BCL2L13: variants seen among roughly 807,000 people sequenced by gnomAD.
The protein encoded by BCL2L13 is BCL2 like 13.
In BCL2L13, 13 loss-of-function variants were observed where a neutral mutation model predicts 25.8. The observed-to-expected ratio is 0.50, with a 90% confidence interval of 0.33 to 0.80. The LOEUF (loss-of-function observed/expected upper bound fraction) is 0.80. Ranked by LOEUF, BCL2L13 falls within the 30% of genes least tolerant of loss-of-function variation. The pLI is 0.02. For synonymous variants in BCL2L13, 244 were observed against 230.3 expected (o/e 1.06, Z -0.54); for missense variants, 504 against 574.9 (o/e 0.88, Z 1.26).
chr22:17,719,131 G>A (rs1281180679), intron 6 of BCL2L13, among the ~76,000 whole-genome samples: 3 of 120,678 alleles, frequency 2.5e-5, no homozygotes, highest in Admixed American at 2.0e-4. Flanking sequence ...TCCAGCCTGG[G>A]AGACAAAGCA....
chr22:17,669,035 T>TC (rs2059332430), intron 2 of BCL2L13, among the ~76,000 whole-genome samples: 1 of 142,470 alleles, frequency 7.0e-6, no homozygotes, highest in Non-Finnish European at 1.5e-5. Context: ...TCTTTCTTTT[T>TC]TTTTTTTTTT....
intron 6 of BCL2L13, among the ~76,000 whole-genome samples, chr22:17,723,252 G>A (rs898947591): frequency 2.6e-5 from 4 of 152,040 alleles, no homozygotes; most frequent in African/African-American, 7.2e-5. Context: ...CTGAGGCTGG[G>A]GCAAGCTGTC....
At chr22:17,697,403 A>G (rs1163800825) in intron 5 of BCL2L13, among the ~76,000 whole-genome samples, 1 of 152,188 alleles carries the variant, frequency 6.6e-6, no homozygotes, top group African/African-American at 2.4e-5. Flanking sequence ...GCGCCATTGC[A>G]TTCCAGCCTA....
intron 1 of BCL2L13, among the ~76,000 whole-genome samples, chr22:17,646,955 A>ATTTTTTTTTTTTTTTTTTTTT (rs149460093): frequency 4.5e-5 from 1 of 22,186 alleles, no homozygotes; most frequent in Non-Finnish European, 7.7e-5. Context: ...ATATATATAT[A>ATTTTTTTTTTTTTTTTTTTTT]TTTTTTTTTT....
upstream of BCL2L13, among the ~76,000 whole-genome samples, chr22:17,635,935 T>G (rs527283419): frequency 1.1e-4 from 17 of 150,926 alleles, no homozygotes; most frequent in South Asian, 4.3e-4. Flanking sequence ...GGTCTCCATC[T>G]CCTGACCTCG....
At chr22:17,649,213 T>C (rs2058593927) in intron 1 of BCL2L13, among the ~76,000 whole-genome samples, 1 of 152,078 alleles carries the variant, frequency 6.6e-6, no homozygotes, top group Non-Finnish European at 1.5e-5. Flanking sequence ...TTCTCTTGCC[T>C]CAGCCTCCGG....
In BCL2L13 at chr22:17,683,252, G is replaced by A. The variant is rs1312462147; in HGVS notation, c.160G>A (p.Glu54Lys). 4 of 1,592,032 alleles carry A rather than the reference G, an allele frequency of 2.5e-6. No homozygotes were observed. The highest frequency in any genetic ancestry group is 3.4e-6 in the Non-Finnish European group (4 of 1,166,690). The change falls in exon 3 of 7, where the codon GAA becomes AAA. Residue 54 changes from glutamate to lysine, a missense_variant. Coordinates refer to ENST00000317582, the MANE Select transcript of BCL2L13 (RefSeq NM_015367.4). ...LDIASQSLDQ[E>K]ILLKVKTEIE... ...TATAGCTTCACAATCTCTGGATCAAGAAATTTTATTAAAAGTTAAAACTGA... is the reference window on the plus strand; with the variant it reads ...TATAGCTTCACAATCTCTGGATCAAAAAATTTTATTAAAAGTTAAAACTGA...
intron 2 of BCL2L13, among the ~76,000 whole-genome samples, chr22:17,680,958 C>T (rs1008023896): frequency 6.6e-6 from 1 of 151,924 alleles, no homozygotes; most frequent in Admixed American, 6.6e-5. Context: ...TAGGGTGTGG[C>T]GGTCACTGAG....
At chr22:17,691,697 G>A (rs866864738) in intron 4 of BCL2L13, among the ~76,000 whole-genome samples, 1 of 152,084 alleles carries the variant, frequency 6.6e-6, no homozygotes, top group African/African-American at 2.4e-5. Flanking sequence ...ACTTTGGCTT[G>A]GAGCAAACCA....
chr22:17,635,074 A>G (rs1223391822), upstream of BCL2L13, among the ~76,000 whole-genome samples: 2 of 151,988 alleles, frequency 1.3e-5, no homozygotes, highest in Non-Finnish European at 2.9e-5. Flanking sequence ...TGTAGCGCCT[A>G]TTAAAATCTG....
intron 4 of BCL2L13, among the ~76,000 whole-genome samples, chr22:17,693,862 T>C (rs1323980834): frequency 6.6e-6 from 1 of 152,092 alleles, no homozygotes; most frequent in African/African-American, 2.4e-5. Context: ...CTCAGCCTCC[T>C]GAGCAGCTGG....
intron 1 of BCL2L13, among the ~76,000 whole-genome samples, chr22:17,631,666 GTGTGTATATATATATATA>G (rs1237057226): frequency 9.3e-5 from 2 of 21,422 alleles, no homozygotes; most frequent in South Asian, 2.2e-3. Flanking sequence ...GTATGTGTGT[GTGTGTATATATATATATA>G]TATATATATA....
At chr22:17,666,384 A>T (rs2059235617) in intron 2 of BCL2L13, among the ~76,000 whole-genome samples, 1 of 152,082 alleles carries the variant, frequency 6.6e-6, no homozygotes, top group African/African-American at 2.4e-5. Flanking sequence ...TCTTTAAGTT[A>T]TTTTAAAATG....
intron 1 of BCL2L13, among the ~76,000 whole-genome samples, chr22:17,642,489 T>G (rs1212653568): frequency 6.6e-6 from 1 of 152,088 alleles, no homozygotes; most frequent in African/African-American, 2.4e-5. Context: ...GCATAATGTT[T>G]TCAGAGTTTA....
At chr22:17,726,286 G>A (rs918263146) in intron 6 of BCL2L13, among the ~76,000 whole-genome samples, 13 of 151,356 alleles carry the variant, frequency 8.6e-5, no homozygotes, top group Admixed American at 7.9e-4. Context: ...GGGACGCGGA[G>A]GTTGCAGTGA....
intron 6 of BCL2L13, among the ~76,000 whole-genome samples, chr22:17,704,688 C>T (rs562770021): frequency 6.6e-6 from 1 of 152,136 alleles, no homozygotes; most frequent in South Asian, 2.1e-4. Flanking sequence ...AATAAAATCT[C>T]AGTTAAAGTA....
At chr22:17,653,437 C>T (rs1258629255) in intron 1 of BCL2L13, among the ~76,000 whole-genome samples, 2 of 151,470 alleles carry the variant, frequency 1.3e-5, no homozygotes, top group African/African-American at 2.4e-5. Flanking sequence ...TCCATATTCT[C>T]GTAACTTGTC....
intron 1 of BCL2L13, among the ~76,000 whole-genome samples, chr22:17,631,654 A>ATGTGTG (rs2058016812): frequency 3.0e-5 from 1 of 33,300 alleles, no homozygotes; most frequent in South Asian, 9.1e-4. Context: ...ACGTGTGTGT[A>ATGTGTG]TGTATGTGTG....
At chr22:17,643,505 C>A (rs923514133) in intron 1 of BCL2L13, among the ~76,000 whole-genome samples, 2 of 152,094 alleles carry the variant, frequency 1.3e-5, no homozygotes, top group Non-Finnish European at 2.9e-5. Flanking sequence ...CTTTGGACTC[C>A]ATGTTAACTT....
Sources: gnomAD v4.1 joint callset for allele counts (sites outside exome capture counted in the v4.1 genomes callset) on GRCh38, gnomAD v4.1.1 for gene constraint, MANE v1.5 for transcripts, NCBI Gene and HGNC (gene_info 2026-07-23, HGNC 2026-07-21) for gene names.